The following ARHGAP26 variants were observed in gnomAD, a reference collection of about 807,000 sequenced individuals.
ARHGAP26 encodes rho GTPase-activating protein 26.
ARHGAP26 carries 38 observed loss-of-function variants against 104.8 expected under a neutral mutation model. The observed-to-expected ratio is 0.36, with a 90% CI of 0.28 to 0.48. The LOEUF is 0.48. Among genes scored for constraint, ARHGAP26 ranks in the 20% least tolerant of loss-of-function variants. The pLI is 0.99. For synonymous variants in ARHGAP26, 341 were observed against 340.0 expected (o/e 1.00, Z -0.03); for missense variants, 704 against 947.9 (o/e 0.74, Z 3.38).
At chr5:143,132,650 A>G (rs1227487571) in intron 18 of ARHGAP26, among the ~76,000 whole-genome samples, 1 of 152,148 alleles carries the variant, frequency 6.6e-6, no homozygotes, top group Non-Finnish European at 1.5e-5. Flanking sequence ...AACTGGAATA[A>G]TTCATACAAA....
At chr5:143,058,452 C>T (rs1055043183) in intron 17 of ARHGAP26, among the ~76,000 whole-genome samples, 10 of 152,234 alleles carry the variant, frequency 6.6e-5, no homozygotes, top group Admixed American at 2.6e-4. Context: ...TTGACCCTTT[C>T]ACAAATGGCA....
At chr5:143,205,465 A>G (rs888666862) in intron 20 of ARHGAP26, among the ~76,000 whole-genome samples, 3 of 152,210 alleles carry the variant, frequency 2.0e-5, no homozygotes, top group African/African-American at 7.2e-5. Context: ...GTTGAGTCTT[A>G]TTGTGATTCT....
At chr5:143,001,357 C>T (rs1187987858) in intron 11 of ARHGAP26, among the ~76,000 whole-genome samples, 2 of 152,140 alleles carry the variant, frequency 1.3e-5, no homozygotes, top group Non-Finnish European at 2.9e-5. Context: ...AAATATTGAA[C>T]TTTAGATGAT....
chr5:143,118,607 C>T (rs947311312), intron 17 of ARHGAP26, among the ~76,000 whole-genome samples: 8 of 152,136 alleles, frequency 5.3e-5, no homozygotes, highest in African/African-American at 1.9e-4. Flanking sequence ...TCTGTCTCTA[C>T]GGAAAAATTT....
At chr5:142,903,444 A>G in intron 7 of ARHGAP26, 96 bp from the exon 8 acceptor site, 1 of 1,362,852 alleles carries the variant, frequency 7.3e-7, no homozygotes, top group South Asian at 1.4e-5. Context: ...AATGTCCTTT[A>G]TCTCATTTTA....
intron 11 of ARHGAP26, among the ~76,000 whole-genome samples, chr5:142,932,502 T>G (rs1007916997): frequency 6.6e-6 from 1 of 152,216 alleles, no homozygotes; most frequent in Non-Finnish European, 1.5e-5. Flanking sequence ...ATTTCAGCGA[T>G]GCTGGCCTCA....
At chr5:143,213,956 G>GT (rs778358668) in intron 21 of ARHGAP26, 41 bp from the exon 22 acceptor site, 8 of 1,345,504 alleles carry the variant, frequency 5.9e-6, no homozygotes, top group Non-Finnish European at 7.3e-6. Flanking sequence ...CTTTCTAAGG[G>GT]TTTTTTCAAA....
intron 17 of ARHGAP26, among the ~76,000 whole-genome samples, chr5:143,098,742 A>G (rs1299822459): frequency 1.3e-5 from 2 of 152,236 alleles, no homozygotes; most frequent in Non-Finnish European, 2.9e-5. Flanking sequence ...CAGTTTTTTC[A>G]TCTTTCAAAT....
intron 11 of ARHGAP26, among the ~76,000 whole-genome samples, chr5:142,942,787 G>A (rs1334955175): frequency 6.6e-6 from 1 of 152,092 alleles, no homozygotes; most frequent in East Asian, 1.9e-4. Context: ...TTTTGTTGTT[G>A]TTGTTGTTTT....
In ARHGAP26 at chr5:142,875,155, A is replaced by T; in HGVS notation, c.296A>T (p.Asp99Val). The change falls in exon 3 of 23, where the codon GAT (aspartate) becomes GTT (valine). Residue 99 changes from aspartate to valine, a missense_variant. Physicochemically the swap from Asp to Val is radical, Grantham distance 152. Around this residue, in one of 6 missense-constraint regions of ARHGAP26, gnomAD observed 106 missense variants for 120.5 expected, o/e 0.88. Coordinates refer to ENST00000645722, the MANE Select transcript of ARHGAP26 (RefSeq NM_001135608.3). Reference protein sequence around the residue: ...EFATVLRNLEDERIRMIENAS... With the variant: ...EFATVLRNLEVERIRMIENAS... Reference sequence around the variant, plus strand: ...GCCACTGTCCTCAGGAATCTTGAAGATGAACGGATACGGATGGTGAGTAGG... The same window carrying T: ...GCCACTGTCCTCAGGAATCTTGAAGTTGAACGGATACGGATGGTGAGTAGG... 6.2e-7 allele frequency: 1 copy of T among 1,614,138 alleles called. No individual in the cohort carries two copies. The highest frequency in any genetic ancestry group is 8.5e-7 in the Non-Finnish European group (1 of 1,179,990).
At chr5:142,945,383 C>T (rs563703358) in intron 11 of ARHGAP26, among the ~76,000 whole-genome samples, 10 of 152,312 alleles carry the variant, frequency 6.6e-5, no homozygotes, top group African/African-American at 1.2e-4. Context: ...TTTTTGTTAA[C>T]GCTACACACA....
chr5:143,051,483 A>C (rs1353752960), intron 14 of ARHGAP26, among the ~76,000 whole-genome samples: 3 of 152,232 alleles, frequency 2.0e-5, no homozygotes, highest in African/African-American at 7.2e-5. Flanking sequence ...ACTGAGTTCT[A>C]AAGAAGAGTG....
chr5:143,046,803 A>T (rs1784307399), intron 14 of ARHGAP26, among the ~76,000 whole-genome samples: 1 of 152,186 alleles, frequency 6.6e-6, no homozygotes, highest in Non-Finnish European at 1.5e-5. Context: ...TTTTTTCCTG[A>T]TGAAAAGTTA....
At chr5:143,205,303 G>A (rs1599506636) in intron 20 of ARHGAP26, among the ~76,000 whole-genome samples, 1 of 152,054 alleles carries the variant, frequency 6.6e-6, no homozygotes, top group South Asian at 2.1e-4. Flanking sequence ...AGTGCTCAAT[G>A]ACTAGTTTTT....
At chr5:143,102,643 C>G (rs1657134554) in intron 17 of ARHGAP26, among the ~76,000 whole-genome samples, 1 of 152,240 alleles carries the variant, frequency 6.6e-6, no homozygotes, top group Admixed American at 6.5e-5. Flanking sequence ...GAGACAGAGA[C>G]TCTTTCATTG....
chr5:142,824,017 ATTTT>A (rs1766722737), intron 1 of ARHGAP26, among the ~76,000 whole-genome samples: 1 of 152,158 alleles, frequency 6.6e-6, no homozygotes, highest in African/African-American at 2.4e-5. Flanking sequence ...GACTTCACTT[ATTTT>A]TGTGTGTTCC....
intron 19 of ARHGAP26, among the ~76,000 whole-genome samples, chr5:143,142,278 G>A (rs1798645243): frequency 1.3e-5 from 2 of 151,352 alleles, no homozygotes; most frequent in South Asian, 4.2e-4. Context: ...AGCTGGGACT[G>A]CATGCGCCCG....
At chr5:142,873,670 C>T (rs1425027769) in intron 2 of ARHGAP26, among the ~76,000 whole-genome samples, 175 bp downstream of exon 2, 1 of 152,154 alleles carries the variant, frequency 6.6e-6, no homozygotes, top group East Asian at 1.9e-4. Context: ...CTACTCTGGT[C>T]TTCTCGAGTT....
intron 1 of ARHGAP26, among the ~76,000 whole-genome samples, chr5:142,830,168 C>T (rs1768115081): frequency 6.6e-6 from 1 of 152,178 alleles, no homozygotes; most frequent in South Asian, 2.1e-4. Flanking sequence ...GTAGCATCCA[C>T]AGATTTGTGG....
Sources: allele counts gnomAD v4.1 joint callset (sites outside exome capture counted in the v4.1 genomes callset), GRCh38; gene constraint gnomAD v4.1.1; regional missense constraint gnomAD v4.1.1; transcripts MANE v1.5; gene names NCBI Gene and HGNC (gene_info 2026-07-23, HGNC 2026-07-21).